The following SPAG16 variants were observed in gnomAD, a reference collection of about 807,000 sequenced individuals.
The protein encoded by SPAG16 is sperm-associated antigen 16 protein.
In SPAG16, 86 loss-of-function variants were observed where a neutral mutation model predicts 80.4. The observed-to-expected ratio is 1.07, with a 90% CI of 0.90 to 1.28. SPAG16 has a LOEUF of 1.28. Among genes scored for constraint, SPAG16 ranks in the 50% most tolerant of loss-of-function variants. SPAG16 has a pLI of 0.00. For missense variants in SPAG16, 870 were observed against 765.3 expected, an observed-to-expected ratio of 1.14 and a Z score of -1.61; for synonymous variants, 294 against 265.9, an observed-to-expected ratio of 1.11 and a Z score of -1.03.
chr2:213,743,295 T>G (rs2067668921), intron 10 of SPAG16, among the ~76,000 whole-genome samples: 1 of 152,226 alleles, frequency 6.6e-6, no homozygotes, highest in Non-Finnish European at 1.5e-5. Flanking sequence ...ATTCATGGAT[T>G]TTTTCCTAGT....
At chr2:213,951,019 G>T (rs995257824) in intron 12 of SPAG16, among the ~76,000 whole-genome samples, 3 of 145,996 alleles carry the variant, frequency 2.1e-5, no homozygotes, top group Non-Finnish European at 1.5e-5. Flanking sequence ...GCCTGACATA[G>T]TTTTTTTTTT....
chr2:213,978,083 C>T (rs1286816565), intron 12 of SPAG16, among the ~76,000 whole-genome samples: 3 of 149,978 alleles, frequency 2.0e-5, no homozygotes, highest in Non-Finnish European at 4.4e-5. Context: ...TTTAACTTTT[C>T]TGGAGTCTTA....
chr2:214,288,979 AG>A (rs1208198084), intron 15 of SPAG16, among the ~76,000 whole-genome samples: 3 of 152,066 alleles, frequency 2.0e-5, no homozygotes, highest in African/African-American at 7.2e-5. Context: ...CGTGTTAGCC[AG>A]GATGGTCTCG....
chr2:214,298,074 C>CTATATA (rs34462560), intron 15 of SPAG16, among the ~76,000 whole-genome samples: 111 of 137,030 alleles, frequency 8.1e-4, no homozygotes, highest in Middle Eastern at 3.7e-3. Flanking sequence ...AGATGTATGC[C>CTATATA]TATATATATA....
At chr2:213,988,014 A>C (rs2046102378) in intron 12 of SPAG16, among the ~76,000 whole-genome samples, 2 of 151,856 alleles carry the variant, frequency 1.3e-5, no homozygotes, top group Non-Finnish European at 2.9e-5. Context: ...TGCAAAAACT[A>C]ACCAGCTGAA....
chr2:213,667,765 A>G (rs1422131713), intron 10 of SPAG16, among the ~76,000 whole-genome samples: 2 of 152,332 alleles, frequency 1.3e-5, no homozygotes, highest in East Asian at 1.9e-4. Flanking sequence ...GGCAAGTCAT[A>G]TCTCACATAC....
At chr2:214,367,974 A>G (rs958127066) in intron 15 of SPAG16, among the ~76,000 whole-genome samples, 3 of 152,164 alleles carry the variant, frequency 2.0e-5, no homozygotes, top group Non-Finnish European at 4.4e-5. Context: ...AACACATGAT[A>G]AAAAGCTTTG....
chr2:213,942,956 G>C (rs764569939), intron 12 of SPAG16, among the ~76,000 whole-genome samples: 2 of 152,106 alleles, frequency 1.3e-5, no homozygotes, highest in East Asian at 3.9e-4. Flanking sequence ...TGAGATTAGT[G>C]CCCTTATATA....
In SPAG16 at chr2:213,929,995, C is replaced by A; in HGVS notation, c.1250C>A (p.Thr417Lys). ...DKLATSSGDT[T>K]VKLWDLCKGD... ...TTGGCTACTTCAAGTGGTGACACTA[C>A]AGTTAAATTATGGGATCTATGTAAA... The change falls in exon 12 of 16, where the codon ACA becomes AAA. Residue 417 changes from threonine (T) to lysine (K), a missense_variant. Transcript: ENST00000331683. 6.2e-7 allele frequency: 1 copy of A among 1,613,412 alleles called. No homozygotes were observed. The highest frequency in any genetic ancestry group is 1.1e-5 in the South Asian group (1 of 90,906).
At chr2:214,290,785 T>C (rs933905955) in intron 15 of SPAG16, among the ~76,000 whole-genome samples, 3 of 152,228 alleles carry the variant, frequency 2.0e-5, no homozygotes, top group Non-Finnish European at 2.9e-5. Context: ...TTAAGACTTA[T>C]TTTGTGTCCC....
At chr2:214,361,846 A>T (rs1218666752) in intron 15 of SPAG16, among the ~76,000 whole-genome samples, 1 of 151,858 alleles carries the variant, frequency 6.6e-6, no homozygotes, top group Non-Finnish European at 1.5e-5. Context: ...TCAAAAATTC[A>T]CCTCAAATTA....
chr2:213,365,821 G>C (rs1258392383), intron 8 of SPAG16, among the ~76,000 whole-genome samples: 15 of 151,912 alleles, frequency 9.9e-5, no homozygotes, highest in Admixed American at 9.8e-4. Context: ...TAAATTTCAA[G>C]AGAGATCCAT....
chr2:213,998,539 G>T (rs1403588068), intron 12 of SPAG16, among the ~76,000 whole-genome samples: 1 of 152,160 alleles, frequency 6.6e-6, no homozygotes. Context: ...TCTTGGGTAT[G>T]TCTTTATCAG....
intron 15 of SPAG16, among the ~76,000 whole-genome samples, chr2:214,253,340 G>A (rs974085116): frequency 6.6e-5 from 10 of 152,076 alleles, no homozygotes; most frequent in African/African-American, 1.7e-4. Context: ...GGCTTTTGTT[G>A]CCATTGCTTT....
chr2:213,866,747 C>G (rs2075702280), intron 11 of SPAG16, among the ~76,000 whole-genome samples: 1 of 152,096 alleles, frequency 6.6e-6, no homozygotes, highest in Admixed American at 6.5e-5. Context: ...AAAACAGGAG[C>G]AAGGGTCCAA....
chr2:213,370,853 A>C (rs1378281827), intron 8 of SPAG16, among the ~76,000 whole-genome samples: 1 of 152,224 alleles, frequency 6.6e-6, no homozygotes, highest in Admixed American at 6.5e-5. Flanking sequence ...TGATATTTTG[A>C]AATGGCTTTT....
rs111430548 is a variant in SPAG16 at position 213,520,673 on chromosome 2, A to C, written c.1070+30583A>C. ...GTTACAACAGCCCTAGGAGACTACT[A>C]CTGTGTTCTAATTGCTCTGTTCATA... On this transcript the variant is annotated intron_variant, in intron 10 of 15. Transcript: ENST00000331683. Among the ~76,000 whole-genome samples, 120 of 152,356 alleles carry C rather than the reference A, an allele frequency of 7.9e-4. 2 individuals carry two copies. The highest frequency in any genetic ancestry group is 3.4e-3 in the Middle Eastern group (1 of 294).
intron 10 of SPAG16, among the ~76,000 whole-genome samples, chr2:213,637,147 AG>A (rs1222894263): frequency 6.6e-6 from 1 of 152,160 alleles, no homozygotes; most frequent in Non-Finnish European, 1.5e-5. Flanking sequence ...GATTTTGCTG[AG>A]GGTTTAAATC....
intron 13 of SPAG16, among the ~76,000 whole-genome samples, chr2:214,046,047 G>A (rs370923448): frequency 6.6e-6 from 1 of 151,934 alleles, no homozygotes; most frequent in Non-Finnish European, 1.5e-5. Flanking sequence ...AAATTGAAAG[G>A]ATTATTAGCA....
Sources: allele counts gnomAD v4.1 joint callset (sites outside exome capture counted in the v4.1 genomes callset), GRCh38; gene constraint gnomAD v4.1.1; transcripts MANE v1.5; gene names NCBI Gene and HGNC (gene_info 2026-07-23, HGNC 2026-07-21).